Variants in HERC3 observed in about 807,000 individuals in gnomAD.
The protein encoded by HERC3 is probable E3 ubiquitin-protein ligase HERC3.
In HERC3, 58 loss-of-function variants were observed where a neutral mutation model predicts 129.9. That is an observed-to-expected ratio of 0.45 (90% CI 0.36 to 0.56). HERC3 has a LOEUF of 0.56. Ranked by LOEUF, HERC3 falls within the 20% of genes least tolerant of loss-of-function variation. The pLI, the probability that HERC3 is intolerant of heterozygous loss-of-function variation, is 0.00. For synonymous variants in HERC3, 430 were observed against 451.0 expected (o/e 0.95, Z 0.59); for missense variants, 835 against 1,244.2 (o/e 0.67, Z 4.95).
At position 88,627,219 on chromosome 4, in the gene HERC3, A is replaced by G. The variant is rs961517335; in HGVS notation, c.226+21170A>G. ...CAATTTTGCTGTTATCTTTCATTTAATTATTTCTAGTTTAATTTTTCTTTC... is the reference window on the plus strand; with the variant it reads ...CAATTTTGCTGTTATCTTTCATTTAGTTATTTCTAGTTTAATTTTTCTTTC... On this transcript the variant is annotated intron_variant, in intron 3 of 25. Coordinates refer to ENST00000402738, the MANE Select transcript of HERC3 (RefSeq NM_014606.3). Among the ~76,000 whole-genome samples, 72 of 152,066 alleles carry G rather than the reference A, an allele frequency of 4.7e-4. 1 individual carries two copies. Among genetic ancestry groups the G allele is most frequent in the Non-Finnish European group, 3.8e-4 (26 of 68,004 alleles).
chr4:88,691,557 A>G (rs1734078327), intron 23 of HERC3, among the ~76,000 whole-genome samples: 1 of 152,210 alleles, frequency 6.6e-6, no homozygotes, highest in Non-Finnish European at 1.5e-5. Flanking sequence ...GCAAGCTCTC[A>G]TGACTCTTAT....
intron 3 of HERC3, among the ~76,000 whole-genome samples, chr4:88,609,865 A>G (rs7689057): frequency 0.43 from 64,987 of 152,114 alleles, 17,384 homozygotes; most frequent in African/African-American, 0.75. Flanking sequence ...AGAGCCCTGA[A>G]GTCTGCTGAT....
chr4:88,704,750 T>G, intron 25 of HERC3, 140 bp downstream of exon 25: 1 of 619,284 alleles, frequency 1.6e-6, no homozygotes, highest in Non-Finnish European at 2.9e-6. Context: ...GCTTTTTGTC[T>G]TAATGTTATC....
At chr4:88,607,329 A>G (rs1260952329) in intron 3 of HERC3, among the ~76,000 whole-genome samples, 2 of 152,162 alleles carry the variant, frequency 1.3e-5, no homozygotes, top group Non-Finnish European at 2.9e-5. Flanking sequence ...TGAGACTGGG[A>G]AGAGAGGGTG....
intron 23 of HERC3, chr4:88,692,803 A>G (rs1267394199): frequency 1.6e-6 from 1 of 614,558 alleles, no homozygotes; most frequent in African/African-American, 2.0e-5. Flanking sequence ...ATTCAAAGCC[A>G]GGTGGTTTGA....
At chr4:88,539,287 G>A in the HERC3 span, among the ~76,000 whole-genome samples, 6,321 of 152,164 alleles carry the variant, frequency 0.042, 430 homozygotes, top group African/African-American at 0.14. Context: ...CTGGCTCTGC[G>A]GGTCCCATGC....
At chr4:88,573,705 A>C in the HERC3 span, among the ~76,000 whole-genome samples, 1 of 152,174 alleles carries the variant, frequency 6.6e-6, no homozygotes, top group African/African-American at 2.4e-5. Flanking sequence ...GAAAGAGTAA[A>C]AAGAAAGATA....
the HERC3 span, among the ~76,000 whole-genome samples, chr4:88,533,190 G>A: frequency 6.6e-6 from 1 of 152,210 alleles, no homozygotes; most frequent in South Asian, 2.1e-4. Flanking sequence ...TCCAGCATGG[G>A]AGAAAGATGA....
chr4:88,591,406 C>T (rs73844016), upstream of HERC3, among the ~76,000 whole-genome samples: 223 of 152,292 alleles, frequency 1.5e-3, 2 homozygotes, highest in African/African-American at 5.0e-3. Context: ...TTCTTTTCTA[C>T]TTGGTCAGTC....
rs11936180 is a variant in HERC3, at chr4:88,613,150, A to G, written c.226+7101A>G. On this transcript the variant is annotated intron_variant, in intron 3 of 25. Transcript: ENST00000402738. ...TTCTCCCTATCTTGAATAGACAAGA[A>G]CCGTGGTAGGGGCAGTTATTTAGTG... Among the ~76,000 whole-genome samples the G allele has an allele frequency of 4.4e-3, 667 of 152,340 alleles. 2 individuals are homozygous for G. The highest frequency in any genetic ancestry group is 0.015 in the African/African-American group (609 of 41,576).
At chr4:88,628,820 G>T (rs1296870823) in intron 3 of HERC3, among the ~76,000 whole-genome samples, 2 of 152,126 alleles carry the variant, frequency 1.3e-5, no homozygotes, top group Non-Finnish European at 2.9e-5. Flanking sequence ...AATGAATGTG[G>T]TCTGAATAGT....
At chr4:88,602,101 A>C (rs1723055820) in intron 2 of HERC3, among the ~76,000 whole-genome samples, 1 of 150,242 alleles carries the variant, frequency 6.7e-6, no homozygotes, top group African/African-American at 2.4e-5. Flanking sequence ...TTATAATTAA[A>C]ATGTATATTT....
intron 21 of HERC3, among the ~76,000 whole-genome samples, chr4:88,685,513 C>T (rs963168480): frequency 2.6e-5 from 4 of 152,068 alleles, no homozygotes; most frequent in Non-Finnish European, 4.4e-5. Context: ...AACCAAACAC[C>T]GCATGTTCTC....
chr4:88,646,342 T>C (rs1357324637), intron 3 of HERC3, among the ~76,000 whole-genome samples: 5 of 152,198 alleles, frequency 3.3e-5, no homozygotes, highest in Non-Finnish European at 7.3e-5. Context: ...GAACTAACCC[T>C]AATAATGCAA....
At chr4:88,569,914 C>T in the HERC3 span, among the ~76,000 whole-genome samples, 18 of 152,322 alleles carry the variant, frequency 1.2e-4, no homozygotes, top group East Asian at 2.9e-3. Context: ...GTTTCTCTAT[C>T]GGTTGTCGTG....
upstream of HERC3, among the ~76,000 whole-genome samples, chr4:88,590,887 CTTTT>C (rs11333423): frequency 2.9e-5 from 4 of 137,714 alleles, no homozygotes; most frequent in Non-Finnish European, 4.7e-5. Context: ...CTTTTTCTTT[CTTTT>C]TTTTTTTTTT....
At chr4:88,590,887 CTTT>C (rs11333423), upstream of HERC3, among the ~76,000 whole-genome samples, 12 of 137,682 alleles carry the variant, frequency 8.7e-5, no homozygotes, top group East Asian at 2.1e-4. Context: ...CTTTTTCTTT[CTTT>C]TTTTTTTTTT....
At chr4:88,668,587 A>G (rs1731282176) in intron 14 of HERC3, 1 of 154,994 alleles carries the variant, frequency 6.5e-6, no homozygotes, top group African/African-American at 2.4e-5. Context: ...TTGCTGAGAT[A>G]AAAACCTTCC....
chr4:88,690,469 C>T (rs1380617803), intron 23 of HERC3: 3 of 985,286 alleles, frequency 3.0e-6, no homozygotes, highest in South Asian at 9.4e-5. Context: ...AAGTTTCAGA[C>T]AAGATAATGT....
Sources: gnomAD v4.1 joint callset for allele counts (sites outside exome capture counted in the v4.1 genomes callset) on GRCh38, gnomAD v4.1.1 for gene constraint, MANE v1.5 for transcripts, NCBI Gene and HGNC (gene_info 2026-07-23, HGNC 2026-07-21) for gene names.